TMEM163: variants seen among roughly 807,000 people sequenced by gnomAD.
TMEM163 encodes transmembrane protein 163.
TMEM163 carries 17 observed loss-of-function variants against 29.3 expected under a neutral mutation model. The ratio of observed to expected loss-of-function variants is 0.58; its 90% confidence interval spans 0.40 to 0.87. The LOEUF is 0.87. Ranked by LOEUF, TMEM163 falls within the 40% of genes least tolerant of loss-of-function variation. TMEM163 has a pLI of 0.00. For missense variants in TMEM163, 303 were observed against 381.5 expected (o/e 0.79, Z 1.71); for synonymous variants, 157 against 160.6 (o/e 0.98, Z 0.17).
chr2:134,669,858 G>A (rs1683952298), intron 2 of TMEM163, among the ~76,000 whole-genome samples: 2 of 152,118 alleles, frequency 1.3e-5, no homozygotes, highest in Admixed American at 1.3e-4. Context: ...GAAGAGAGAT[G>A]GACAAACAGC....
intron 2 of TMEM163, among the ~76,000 whole-genome samples, chr2:134,691,167 G>A (rs1684455571): frequency 6.6e-6 from 1 of 152,174 alleles, no homozygotes; most frequent in Admixed American, 6.5e-5. Context: ...GCAGGACTTT[G>A]GGGAGAACAG....
intron 4 of TMEM163, among the ~76,000 whole-genome samples, chr2:134,507,077 C>G (rs1679840553): frequency 1.3e-5 from 2 of 152,156 alleles, no homozygotes; most frequent in Admixed American, 1.3e-4. Flanking sequence ...TGACTCACGC[C>G]TGTAATCCCA....
chr2:134,674,035 C>T (rs1266337020), intron 2 of TMEM163, among the ~76,000 whole-genome samples: 1 of 152,160 alleles, frequency 6.6e-6, no homozygotes, highest in Non-Finnish European at 1.5e-5. Context: ...AGACTGGTTC[C>T]ATATATTATG....
chr2:134,678,776 GTC>G (rs1684171819), intron 2 of TMEM163, among the ~76,000 whole-genome samples: 1 of 152,238 alleles, frequency 6.6e-6, no homozygotes, highest in Admixed American at 6.5e-5. Context: ...ATCAATAAAT[GTC>G]TGCAGAATAA....
chr2:134,481,393 T>A (rs1679176081), intron 5 of TMEM163, among the ~76,000 whole-genome samples: 1 of 151,212 alleles, frequency 6.6e-6, no homozygotes, highest in Non-Finnish European at 1.5e-5. Flanking sequence ...GGGGGGGAGC[T>A]TTTCCTGTGC....
chr2:134,470,710 A>G (rs1686780149), intron 5 of TMEM163, among the ~76,000 whole-genome samples: 1 of 152,200 alleles, frequency 6.6e-6, no homozygotes, highest in African/African-American at 2.4e-5. Context: ...GACCTGCCAA[A>G]GCTCCTCTCC....
At chr2:134,515,884 C>T (rs986375815) in intron 4 of TMEM163, among the ~76,000 whole-genome samples, 1 of 152,178 alleles carries the variant, frequency 6.6e-6, no homozygotes, top group Non-Finnish European at 1.5e-5. Context: ...CTAGAAATGT[C>T]TTCTCCAGCT....
chr2:134,471,917 T>C (rs1381712200), intron 5 of TMEM163, among the ~76,000 whole-genome samples: 1 of 152,244 alleles, frequency 6.6e-6, no homozygotes, highest in African/African-American at 2.4e-5. Context: ...TCATCTCTCA[T>C]GTCCCTCAAC....
chr2:134,459,484 A>AACAAGGGCTGGTTCTTGCGATG (rs1558909262), intron 6 of TMEM163, among the ~76,000 whole-genome samples: 3 of 92,620 alleles, frequency 3.2e-5, no homozygotes, highest in African/African-American at 1.6e-4. Context: ...TCCTTCCCAG[A>AACAAGGGCTGGTTCTTGCGATG]TTGGATTGGA....
At chr2:134,561,711 C>G (rs1195458072) in intron 2 of TMEM163, among the ~76,000 whole-genome samples, 1 of 152,192 alleles carries the variant, frequency 6.6e-6, no homozygotes, top group East Asian at 1.9e-4. Flanking sequence ...GCAGAGCTAT[C>G]AAGTAAGCCT....
rs1266171311 is a variant in TMEM163 at position 134,706,407 on chromosome 2, C to T, written c.322+6793G>A. Among the ~76,000 whole-genome samples the T allele has an allele frequency of 3.3e-5, 5 of 152,144 alleles. No individual in the cohort carries two copies. In the East Asian group the frequency reaches 9.6e-4, roughly 29 times the overall value. On this transcript the variant is annotated intron_variant, in intron 2 of 7. Transcript: ENST00000281924. ...AGCGTCTGAGTTTCCACTGTGTTAG[C>T]GGCTGACAACACCGCCTGAAGAAGA... is the stretch of plus-strand genomic sequence containing the variant.
chr2:134,535,019 T>C (rs1466031167), intron 4 of TMEM163, among the ~76,000 whole-genome samples: 1 of 152,202 alleles, frequency 6.6e-6, no homozygotes, highest in Admixed American at 6.5e-5. Flanking sequence ...AGAAGAGACT[T>C]GTCAACAGAC....
intron 5 of TMEM163, among the ~76,000 whole-genome samples, chr2:134,499,006 A>G (rs1679644011): frequency 6.6e-6 from 1 of 152,180 alleles, no homozygotes; most frequent in African/African-American, 2.4e-5. Flanking sequence ...TGGGTCCTCG[A>G]GCAAAGGATA....
At chr2:134,484,258 A>G (rs1427845260) in intron 5 of TMEM163, among the ~76,000 whole-genome samples, 1 of 152,242 alleles carries the variant, frequency 6.6e-6, no homozygotes, top group Non-Finnish European at 1.5e-5. Context: ...AAGGCGAATA[A>G]CGAAATTCTC....
chr2:134,689,111 T>C (rs1413931823), intron 2 of TMEM163, among the ~76,000 whole-genome samples: 1 of 80,476 alleles, frequency 1.2e-5, no homozygotes, highest in East Asian at 3.2e-4. Flanking sequence ...TTTTGTTTTG[T>C]TTTTTTTTTT....
intron 4 of TMEM163, among the ~76,000 whole-genome samples, chr2:134,530,506 G>A (rs1030245265): frequency 6.6e-5 from 10 of 152,098 alleles, no homozygotes; most frequent in Non-Finnish European, 1.3e-4. Context: ...CAAACTCCTA[G>A]GCTCAAGTGA....
At chr2:134,660,744 TC>T (rs1177324482) in intron 2 of TMEM163, among the ~76,000 whole-genome samples, 1 of 152,146 alleles carries the variant, frequency 6.6e-6, no homozygotes, top group Non-Finnish European at 1.5e-5. Flanking sequence ...CCCAATTGGA[TC>T]CTCATTAGCT....
chr2:134,563,891 TA>T (rs774155134), intron 2 of TMEM163, among the ~76,000 whole-genome samples: 1 of 152,108 alleles, frequency 6.6e-6, no homozygotes, highest in Non-Finnish European at 1.5e-5. Flanking sequence ...CTGTATCTAC[TA>T]AAAATACAAA....
intron 2 of TMEM163, among the ~76,000 whole-genome samples, chr2:134,563,424 G>A (rs1329254772): frequency 6.6e-6 from 1 of 152,210 alleles, no homozygotes; most frequent in Non-Finnish European, 1.5e-5. Flanking sequence ...AGTGAATTCA[G>A]CAAGGCCACC....
Sources: allele counts gnomAD v4.1 joint callset (sites outside exome capture counted in the v4.1 genomes callset), GRCh38; gene constraint gnomAD v4.1.1; transcripts MANE v1.5; gene names NCBI Gene and HGNC (gene_info 2026-07-23, HGNC 2026-07-21).